Variants in R3HCC1 observed in about 807,000 individuals in gnomAD.
R3HCC1 encodes R3H domain and coiled-coil containing 1.
In R3HCC1, 32 loss-of-function variants were observed where a neutral mutation model predicts 40.0. That is an observed-to-expected ratio of 0.80 (90% CI 0.60 to 1.07). R3HCC1 has a LOEUF of 1.07. Ranked by LOEUF, R3HCC1 falls within the 50% of genes least tolerant of loss-of-function variation. The pLI is 0.00. For synonymous variants in R3HCC1, 237 were observed against 232.8 expected (o/e 1.02, Z -0.17); for missense variants, 586 against 563.3 (o/e 1.04, Z -0.41).
intron 7 of R3HCC1, chr8:23,295,749 G>A: frequency 1.6e-6 from 1 of 616,634 alleles, no homozygotes; most frequent in South Asian, 2.1e-5. Context: ...AGGGCATGTA[G>A]AGGCGACAAG....
Position 23,290,423 on chromosome 8 carries a change from G to A in R3HCC1, c.806G>A (p.Gly269Asp). Residue 269 changes from glycine (G) to aspartate (D), a missense_variant, in exon 4 of 8, where the codon GGC becomes GAC. Transcript: ENST00000265806. ...GACGAAGAGGAGGTGGAAGAGGATG[G>A]CCCCAGCAGCTGCTCGGAGGACGAT... The A allele has an allele frequency of 1.9e-6, 3 of 1,551,532 alleles. No individual in the cohort carries two copies. Among genetic ancestry groups the A allele is most frequent in the South Asian group, 1.2e-5 (1 of 84,016 alleles).
In R3HCC1 at chr8:23,288,365, C is replaced by T. The variant is rs1026170481; in HGVS notation, c.-18-141C>T. ...ACCCCTTCCCTGACCCCTGACTTGC[C>T]GGGGGTCCCTGGCATCACTTCCCCG... On this transcript the variant is annotated intron_variant, in intron 1 of 7. Coordinates refer to ENST00000265806, the MANE Select transcript of R3HCC1 (RefSeq NM_001136108.3). 1.0e-5 allele frequency: 13 copies of T among 1,274,070 alleles called. No homozygotes were observed. The Admixed American group carries it at 1.2e-4, about 12-fold the overall frequency. The allele number at this position is 1,274,070 out of a possible 1,614,324, so 78.9% of individuals were successfully genotyped here. A position where few individuals can be genotyped will look rare whatever the true frequency, so the allele number is the denominator to read the frequency against.
rs1301437653 is a variant in R3HCC1 at position 23,288,133 on chromosome 8, G to C, written c.-43G>C. 3 of 1,253,638 alleles carry C rather than the reference G, an allele frequency of 2.4e-6. No homozygotes were observed. In the Admixed American group the frequency reaches 8.2e-5, roughly 34 times the overall value. 77.7% of individuals were successfully genotyped at this position (1,253,638 alleles called of 1,614,324 possible). ...GCTGGCCCCTGGGGACGCCGAGGGC[G>C]GCTGCGACGCGCCGAGAGGCCGCGG... On this transcript the variant is annotated 5_prime_UTR_variant, in exon 1 of 8. Transcript: ENST00000265806.
rs61752498 is a variant in R3HCC1, at chr8:23,289,136, C to T, written c.231C>T (p.Ile77=). ...AGGGCTGGAAGAGGAGGACGGTCAT[C>T]TGTCACCAGGACATCAGGTGTGTAG... The change falls in exon 3 of 8, where the codon ATC becomes ATT. Residue 77 remains isoleucine, a synonymous_variant. Coordinates refer to ENST00000265806, the MANE Select transcript of R3HCC1 (RefSeq NM_001136108.3). 114 of 1,536,140 alleles carry T rather than the reference C, an allele frequency of 7.4e-5. No individual in the cohort carries two copies. In the African/African-American group the frequency reaches 1.4e-3, roughly 19 times the overall value.
rs751096430 is a variant in R3HCC1, at chr8:23,296,078, G to A, written c.1304G>A (p.Arg435Gln). Residue 435 changes from arginine (R) to glutamine (Q), a missense_variant, in exon 8 of 8, where the codon CGG becomes CAG. Arg to Gln is a conservative substitution (Grantham distance 43). Coordinates refer to ENST00000265806, the MANE Select transcript of R3HCC1 (RefSeq NM_001136108.3). ...AAAAAGAAAGAGCGGCCTGCTGTCC[G>A]GGGTCCGCTGCCGCCCTGAGGCCTG... is the stretch of plus-strand genomic sequence containing the variant. 2.7e-5 allele frequency: 42 copies of A among 1,550,044 alleles called. No homozygotes were observed. In the South Asian group the frequency reaches 3.3e-4, roughly 12 times the overall value.
intron 2 of R3HCC1, 78 bp from the exon 3 acceptor site, chr8:23,288,938 C>T (rs901253287): frequency 1.4e-5 from 21 of 1,454,558 alleles, no homozygotes; most frequent in Non-Finnish European, 1.8e-5. Context: ...AGTGTTAATC[C>T]GCGATTAACC....
rs757545412 is a variant in R3HCC1, at chr8:23,296,133, G to C, written c.*36G>C. The C allele has an allele frequency of 2.8e-5, 43 of 1,532,116 alleles. No homozygotes were observed. Among genetic ancestry groups the C allele is most frequent in the Non-Finnish European group, 2.2e-5 (25 of 1,137,478 alleles). The allele number at this position is 1,532,116 out of a possible 1,614,324, so 94.9% of individuals were successfully genotyped here. ...CCCAACTGGCCTGGATCTGCGTCCC[G>C]ACGTAGCTGGCGCCCCCAACACCAT... On this transcript the variant is annotated 3_prime_UTR_variant, in exon 8 of 8. Transcript: ENST00000265806.
intron 1 of R3HCC1, 70 bp from the exon 2 acceptor site, chr8:23,288,436 G>A: frequency 6.6e-7 from 1 of 1,518,472 alleles, no homozygotes; most frequent in Non-Finnish European, 8.8e-7. Context: ...TTTCGGTGCC[G>A]GCGTTGCGGG....
intron 5 of R3HCC1, 112 bp downstream of exon 5, chr8:23,291,645 C>T: frequency 2.7e-6 from 4 of 1,472,420 alleles, no homozygotes; most frequent in African/African-American, 1.4e-5. Flanking sequence ...GCAAGAGAGA[C>T]AGAAAGTGGG....
At chr8:23,294,936 CGTGT>C (rs923768744) in intron 7 of R3HCC1, 72 bp downstream of exon 7, 113 of 1,040,446 alleles carry the variant, frequency 1.1e-4, no homozygotes, top group Admixed American at 1.4e-4. Context: ...TGTGTGTGTG[CGTGT>C]GTGTGTGTCT....
chr8:23,289,903 G>T lies in R3HCC1; in HGVS notation c.286G>T (p.Ala96Ser), dbSNP rs6980542. 2 of 1,532,278 alleles carry T rather than the reference G, an allele frequency of 1.3e-6. No homozygotes were observed. The highest frequency in any genetic ancestry group is 2.0e-5 in the Admixed American group (1 of 50,698). The allele number at this position is 1,532,278 out of a possible 1,614,324, so 94.9% of individuals were successfully genotyped here. The change falls in exon 4 of 8, where the codon GCT becomes TCT. Residue 96 changes from alanine to serine, a missense_variant. By Grantham distance (99) the Ala-to-Ser change is moderately conservative. Coordinates refer to ENST00000265806, the MANE Select transcript of R3HCC1 (RefSeq NM_001136108.3). ...GGATGGCCTCTCTGGCCCCTGCCGC[G>T]CTCCTGCCTCCTGCCCCAGCAGGTA... is the stretch of plus-strand genomic sequence containing the variant.
chr8:23,295,829 C>T, intron 7 of R3HCC1, 138 bp from the exon 8 acceptor site: 1 of 1,276,922 alleles, frequency 7.8e-7, no homozygotes, highest in Non-Finnish European at 1.1e-6. Flanking sequence ...CCGGCCACAC[C>T]ACGGGCACAG....
chr8:23,288,583 C>T lies in R3HCC1; in HGVS notation c.60C>T (p.His20=). Residue 20 remains histidine, a synonymous_variant, in exon 2 of 8, where the codon CAC becomes CAT. Coordinates refer to ENST00000265806, the MANE Select transcript of R3HCC1 (RefSeq NM_001136108.3). The stretch of plus-strand genomic sequence containing the variant: ...CCTCAGCCGAGAATGACTTCGTCCA[C>T]CGGATCCAGGAGGAACTGGACCGCT... 1 of 1,536,036 alleles carries T rather than the reference C, an allele frequency of 6.5e-7. No individual in the cohort carries two copies. The highest frequency in any genetic ancestry group is 8.7e-7 in the Non-Finnish European group (1 of 1,146,894).
chr8:23,292,730 T>A (rs1802895097), intron 5 of R3HCC1, among the ~76,000 whole-genome samples: 1 of 152,210 alleles, frequency 6.6e-6, no homozygotes, highest in African/African-American at 2.4e-5. Context: ...AAGGGGTGGC[T>A]AGGGGCAACA....
intron 2 of R3HCC1, 36 bp downstream of exon 2, chr8:23,288,669 T>C (rs886233216): frequency 2.0e-6 from 3 of 1,531,970 alleles, no homozygotes; most frequent in Admixed American, 2.0e-5. Context: ...GCCGCCTTGC[T>C]GGGAAGGGCA....
intron 6 of R3HCC1, among the ~76,000 whole-genome samples, chr8:23,294,208 G>A (rs1327584114): frequency 2.0e-5 from 3 of 152,168 alleles, no homozygotes; most frequent in East Asian, 3.9e-4. Flanking sequence ...CCTGTGCTGC[G>A]AGAGGAATGA....
Position 23,289,090 on chromosome 8 carries a change from T to C in R3HCC1, c.185T>C (p.Leu62Ser). ...AGAACAGCAGAGAATTTTGATCTCT[T>C]GAGCAGCTTCTCCGTTGGGGAGGGC... Residue 62 changes from leucine to serine, a missense_variant, in exon 3 of 8, where the codon TTG becomes TCG. Physicochemically the swap from Leu to Ser is moderately radical, Grantham distance 145. Coordinates refer to ENST00000265806, the MANE Select transcript of R3HCC1 (RefSeq NM_001136108.3). 6.5e-7 allele frequency: 1 copy of C among 1,536,504 alleles called. No homozygotes were observed. Among genetic ancestry groups the C allele is most frequent in the Non-Finnish European group, 8.7e-7 (1 of 1,146,984 alleles).
rs1381191894 is a variant in R3HCC1, at chr8:23,291,414, C to T, written c.906C>T (p.Asp302=). The change falls in exon 5 of 8, where the codon GAC becomes GAT. Residue 302 remains aspartate, a synonymous_variant. Coordinates refer to ENST00000265806, the MANE Select transcript of R3HCC1 (RefSeq NM_001136108.3). ...TTCAGATAGAGAAGATCCATTTGGA[C>T]ACATCCTCCTTCGTGGAGGAGCTGC... 4.5e-6 allele frequency: 7 copies of T among 1,551,600 alleles called. No homozygotes were observed. Among genetic ancestry groups the T allele is most frequent in the Non-Finnish European group, 5.2e-6 (6 of 1,146,888 alleles).
chr8:23,289,131 G>C lies in R3HCC1; in HGVS notation c.226G>C (p.Val76Leu). 6.5e-7 allele frequency: 1 copy of C among 1,536,256 alleles called. No individual in the cohort carries two copies. Among genetic ancestry groups the C allele is most frequent in the Non-Finnish European group, 8.7e-7 (1 of 1,146,920 alleles). Residue 76 changes from valine to leucine, a missense_variant, in exon 3 of 8, where the codon GTC (valine) becomes CTC (leucine). Coordinates refer to ENST00000265806, the MANE Select transcript of R3HCC1 (RefSeq NM_001136108.3). ...TGGGGAGGGCTGGAAGAGGAGGACG[G>C]TCATCTGTCACCAGGACATCAGGTG...
Sources: gnomAD v4.1 joint callset for allele counts (sites outside exome capture counted in the v4.1 genomes callset) on GRCh38, gnomAD v4.1.1 for gene constraint, MANE v1.5 for transcripts, NCBI Gene and HGNC (gene_info 2026-07-23, HGNC 2026-07-21) for gene names.